Variants in TSPAN9 observed in about 807,000 individuals in gnomAD.
TSPAN9 encodes the protein tetraspanin 9.
A neutral mutation model predicts 31.0 loss-of-function variants in TSPAN9; 16 were observed. That is an observed-to-expected ratio of 0.52 (90% confidence interval 0.35 to 0.78). The LOEUF (loss-of-function observed/expected upper bound fraction) is 0.78, where lower values mean the gene tolerates loss of function less well. Ranked by LOEUF, TSPAN9 falls within the 30% of genes least tolerant of loss-of-function variation. The probability of loss-of-function intolerance (pLI) is 0.01; values close to 1 mark genes in which losing one functional copy is unlikely to be tolerated. For synonymous variants in TSPAN9, 145 were observed against 121.6 expected, an observed-to-expected ratio of 1.19 and a Z score of -1.27; for missense variants, 272 against 312.5, an observed-to-expected ratio of 0.87 and a Z score of 0.98.
intron 3 of TSPAN9, among the ~76,000 whole-genome samples, chr12:3,212,458 G>C (rs978471201): frequency 2.6e-5 from 4 of 151,906 alleles, no homozygotes; most frequent in African/African-American, 9.7e-5. Flanking sequence ...TAAATTTTTT[G>C]TAGAAACAGG....
intron 2 of TSPAN9, among the ~76,000 whole-genome samples, chr12:3,119,029 G>T (rs7978209): frequency 0.032 from 4,823 of 152,210 alleles, 249 homozygotes; most frequent in African/African-American, 0.11. Flanking sequence ...CCGCCTTTGG[G>T]ACACTATCAG....
At position 3,211,971 on chromosome 12, in the gene TSPAN9, T is replaced by C. The variant is rs2098378961; in HGVS notation, c.63+10715T>C. On this transcript the variant is annotated intron_variant, in intron 3 of 8. Coordinates refer to ENST00000011898, the MANE Select transcript of TSPAN9 (RefSeq NM_006675.5). ...GGAAAGCAAAATTGCTGTCTTTGTA[T>C]TTCTTTCTTTTATTTTTTGAGATAT... 3 of 966,492 alleles carry C rather than the reference T, an allele frequency of 3.1e-6. No individual in the cohort carries two copies. In the South Asian group the frequency reaches 4.3e-5, roughly 14 times the overall value. 59.9% of individuals were successfully genotyped at this position (966,492 alleles called of 1,614,324 possible). A position where few individuals can be genotyped will look rare whatever the true frequency, so the allele number is the denominator to read the frequency against.
intron 2 of TSPAN9, among the ~76,000 whole-genome samples, chr12:3,150,214 G>A (rs1171637914): frequency 2.0e-5 from 3 of 152,212 alleles, no homozygotes; most frequent in African/African-American, 2.4e-5. Context: ...GTCTGTTTCC[G>A]CCCCTCTGCC....
chr12:3,235,834 G>C (rs142964787), intron 3 of TSPAN9, among the ~76,000 whole-genome samples: 2 of 152,360 alleles, frequency 1.3e-5, no homozygotes, highest in African/African-American at 4.8e-5. Flanking sequence ...GGGGACAGCA[G>C]GTGCCAATAT....
At chr12:3,149,479 A>G (rs764925437) in intron 2 of TSPAN9, among the ~76,000 whole-genome samples, 1 of 152,210 alleles carries the variant, frequency 6.6e-6, no homozygotes, top group Non-Finnish European at 1.5e-5. Context: ...GAGAGATGCA[A>G]AGAGAGAAGT....
At chr12:3,228,615 T>C (rs1051056884) in intron 3 of TSPAN9, among the ~76,000 whole-genome samples, 7 of 152,254 alleles carry the variant, frequency 4.6e-5, no homozygotes, top group Non-Finnish European at 8.8e-5. Context: ...TGCTGAGCCC[T>C]GTGCTGCCTG....
intron 3 of TSPAN9, chr12:3,273,034 G>A (rs538071963): frequency 1.3e-5 from 2 of 152,402 alleles, no homozygotes; most frequent in Admixed American, 1.3e-4. Flanking sequence ...TGGGCCCCTG[G>A]TGACAAAGAA....
chr12:3,257,467 G>A (rs879844955), intron 3 of TSPAN9, among the ~76,000 whole-genome samples: 1 of 151,676 alleles, frequency 6.6e-6, no homozygotes, highest in Non-Finnish European at 1.5e-5. Context: ...CCCAGCCCCC[G>A]ACGAGCCATC....
chr12:3,268,682 CTG>C (rs1862595309), intron 3 of TSPAN9, among the ~76,000 whole-genome samples: 1 of 92,896 alleles, frequency 1.1e-5, no homozygotes, highest in Non-Finnish European at 2.1e-5. Context: ...CCTGCCCTCT[CTG>C]TGTTCCTGCA....
At chr12:3,093,292 G>A (rs1185321287) in intron 2 of TSPAN9, among the ~76,000 whole-genome samples, 1 of 152,208 alleles carries the variant, frequency 6.6e-6, no homozygotes, top group Non-Finnish European at 1.5e-5. Flanking sequence ...CCCTGTCTTT[G>A]GGGGCCAGGC....
At chr12:3,228,946 C>G (rs2098389260) in intron 3 of TSPAN9, among the ~76,000 whole-genome samples, 1 of 152,200 alleles carries the variant, frequency 6.6e-6, no homozygotes, top group African/African-American at 2.4e-5. Flanking sequence ...TCACTGCAAT[C>G]CCTCATCTCC....
At chr12:3,092,843 G>A (rs1005272404) in intron 2 of TSPAN9, among the ~76,000 whole-genome samples, 2 of 152,210 alleles carry the variant, frequency 1.3e-5, no homozygotes, top group African/African-American at 2.4e-5. Context: ...TTTGGAACCA[G>A]TGTGTGGCTT....
intron 3 of TSPAN9, among the ~76,000 whole-genome samples, chr12:3,213,716 C>G (rs1380743612): frequency 6.6e-6 from 1 of 152,134 alleles, no homozygotes; most frequent in East Asian, 1.9e-4. Flanking sequence ...TTCACAAAAG[C>G]CACTCCGTAG....
chr12:3,205,611 G>A (rs2098374637), intron 3 of TSPAN9, among the ~76,000 whole-genome samples: 1 of 152,172 alleles, frequency 6.6e-6, no homozygotes, highest in Non-Finnish European at 1.5e-5. Flanking sequence ...CAGGAGTAGT[G>A]AGTGGGCTCA....
chr12:3,196,581 T>TG (rs1430753437), intron 2 of TSPAN9, among the ~76,000 whole-genome samples: 2 of 152,316 alleles, frequency 1.3e-5, no homozygotes, highest in South Asian at 2.1e-4. Flanking sequence ...GCTGGGTCCC[T>TG]GGGGTAAATA....
chr12:3,178,333 C>T (rs1220903608), intron 2 of TSPAN9, among the ~76,000 whole-genome samples: 3 of 151,482 alleles, frequency 2.0e-5, no homozygotes, highest in African/African-American at 7.3e-5. Flanking sequence ...TCTTGTTGCC[C>T]AGGCTGGAGT....
chr12:3,203,424 C>T (rs1000634995), intron 3 of TSPAN9, among the ~76,000 whole-genome samples: 5 of 152,172 alleles, frequency 3.3e-5, no homozygotes, highest in Non-Finnish European at 4.4e-5. Context: ...AAAGGCTCTC[C>T]GAGCGCCATA....
chr12:3,099,808 CGAA>C (rs2098310936), intron 2 of TSPAN9, among the ~76,000 whole-genome samples: 3 of 151,196 alleles, frequency 2.0e-5, no homozygotes, highest in African/African-American at 7.3e-5. Context: ...AGGATTCTAC[CGAA>C]TACCCTGTGT....
At chr12:3,102,316 C>T (rs1255922180) in intron 2 of TSPAN9, among the ~76,000 whole-genome samples, 1 of 151,774 alleles carries the variant, frequency 6.6e-6, no homozygotes, top group African/African-American at 2.4e-5. Context: ...TTTGTAGAGG[C>T]GGAGTCTTGC....
Sources: allele counts gnomAD v4.1 joint callset (sites outside exome capture counted in the v4.1 genomes callset), GRCh38; gene constraint gnomAD v4.1.1; transcripts MANE v1.5; gene names NCBI Gene and HGNC (gene_info 2026-07-23, HGNC 2026-07-21).